The following MEX3C variants were observed in gnomAD, a reference collection of about 807,000 sequenced individuals.
The protein encoded by MEX3C is RNA-binding E3 ubiquitin-protein ligase MEX3C.
Under a neutral mutation model 35.5 loss-of-function variants are expected in MEX3C, and 15 were observed. The ratio of observed to expected loss-of-function variants is 0.42; its 90% CI spans 0.28 to 0.65. The LOEUF (loss-of-function observed/expected upper bound fraction) is 0.65. Ranked by LOEUF, MEX3C falls within the 30% of genes least tolerant of loss-of-function variation. The pLI, the probability that MEX3C is intolerant of heterozygous loss-of-function variation, is 0.20. For synonymous variants in MEX3C, 390 were observed against 352.8 expected (o/e 1.11, Z -1.18); for missense variants, 711 against 842.8 (o/e 0.84, Z 1.94).
chr18:51,174,852 T>C lies in MEX3C; in HGVS notation c.*1499A>G, dbSNP rs1054097125. The C allele has an allele frequency of 3.9e-5, 6 of 152,660 alleles. No individual in the cohort carries two copies. Among genetic ancestry groups the C allele is most frequent in the African/African-American group, 1.4e-4 (6 of 41,466 alleles). The allele number at this position is 152,660 out of a possible 1,614,324, so 9.5% of individuals were successfully genotyped here. Reference sequence around the variant, plus strand: ...AGTACACGCACCTAATATATGTCGATTCCTTGGCTTATTAGTTGCAGTGTA... The same window carrying C: ...AGTACACGCACCTAATATATGTCGACTCCTTGGCTTATTAGTTGCAGTGTA... On this transcript the variant is annotated 3_prime_UTR_variant, in exon 2 of 2. Transcript: ENST00000406189.
rs868318542 is a variant in MEX3C, at chr18:51,197,650, G to C, written c.-330C>G. 2.0e-5 allele frequency among the ~76,000 whole-genome samples: 3 copies of C among 150,732 alleles called. No individual in the cohort carries two copies. Among genetic ancestry groups the C allele is most frequent in the East Asian group, 2.0e-4 (1 of 5,062 alleles). ...TAACCAGCCCCCGGCGCGCGCGGCG[G>C]CGGCGGCTACGCCCCACGCCGCTCT... On this transcript the variant is annotated 5_prime_UTR_variant, in exon 1 of 2. Coordinates refer to ENST00000406189, the MANE Select transcript of MEX3C (RefSeq NM_016626.5).
At chr18:51,179,220 G>C (rs1276214941) in intron 1 of MEX3C, among the ~76,000 whole-genome samples, 1 of 152,078 alleles carries the variant, frequency 6.6e-6, no homozygotes, top group African/African-American at 2.4e-5. Flanking sequence ...GGTCAGGCTG[G>C]TCTTGAACTC....
At position 51,179,867 on chromosome 18, in the gene MEX3C, T is replaced by G. The variant is rs139060904; in HGVS notation, c.755-2291A>C. ...ACACAGAACTGGTCATATTCTATAC[T>G]CAGGGGAGTTACTATTTGGATATGT... On this transcript the variant is annotated intron_variant, in intron 1 of 1. Coordinates refer to ENST00000406189, the MANE Select transcript of MEX3C (RefSeq NM_016626.5). Among the ~76,000 whole-genome samples, 536 of 152,290 alleles carry G rather than the reference T, an allele frequency of 3.5e-3. 4 individuals carry two copies. Among genetic ancestry groups the G allele is most frequent in the African/African-American group, 0.012 (505 of 41,550 alleles).
At position 51,196,736 on chromosome 18, in the gene MEX3C, G is replaced by A; in HGVS notation, c.585C>T (p.Gly195=). Residue 195 remains glycine, a synonymous_variant, in exon 1 of 2, where the codon GGC becomes GGT. Coordinates refer to ENST00000406189, the MANE Select transcript of MEX3C (RefSeq NM_016626.5). The part of the protein sequence containing the change: ...GVLYGGDDAQ[G]MMAAMLSHAY... Reference sequence around the variant, plus strand: ...CGTGGGACAGCATCGCCGCCATCATGCCCTGGGCATCGTCCCCTCCGTACA... The same window carrying A: ...CGTGGGACAGCATCGCCGCCATCATACCCTGGGCATCGTCCCCTCCGTACA... The A allele has an allele frequency of 6.6e-7, 1 of 1,521,494 alleles. No homozygotes were observed. Among genetic ancestry groups the A allele is most frequent in the Non-Finnish European group, 8.8e-7 (1 of 1,135,580 alleles). The allele number at this position is 1,521,494 out of a possible 1,614,324, so 94.2% of individuals were successfully genotyped here. A position where few individuals can be genotyped will look rare whatever the true frequency, so the allele number is the denominator to read the frequency against.
intron 1 of MEX3C, among the ~76,000 whole-genome samples, chr18:51,180,396 C>T (rs944241176): frequency 1.3e-5 from 2 of 152,112 alleles, no homozygotes; most frequent in Non-Finnish European, 2.9e-5. Flanking sequence ...CAGGCCTGGT[C>T]TACACCCAAA....
chr18:51,197,237 T>C lies in MEX3C; in HGVS notation c.84A>G (p.Pro28=), dbSNP rs996027193. ...CCGAGGGCGGCGGCAGAGGCGGCGG[T>C]GGCGGCGGCGGCGGCGGGGGCGGCT... The part of the protein sequence containing the change: ...LPQPPPPPPP[P]PPPLPPPSGG... Residue 28 remains proline (P), a synonymous_variant, in exon 1 of 2, where the codon CCA becomes CCG. Coordinates refer to ENST00000406189, the MANE Select transcript of MEX3C (RefSeq NM_016626.5). 7.6e-5 allele frequency: 75 copies of C among 981,096 alleles called. No individual in the cohort carries two copies. The highest frequency in any genetic ancestry group is 1.0e-3 in the Middle Eastern group (2 of 1,950). The allele number at this position is 981,096 out of a possible 1,614,324, so 60.8% of individuals were successfully genotyped here. A position where few individuals can be genotyped will look rare whatever the true frequency, so the allele number is the denominator to read the frequency against.
chr18:51,197,013 G>A lies in MEX3C; in HGVS notation c.308C>T (p.Ala103Val), dbSNP rs1038799563. The change falls in exon 1 of 2, where the codon GCG becomes GTG. Residue 103 changes from alanine to valine, a missense_variant. Physicochemically the swap from Ala to Val is moderately conservative, Grantham distance 64 (BLOSUM62 0). Around this residue, in one of 4 missense-constraint regions of MEX3C, gnomAD observed 354 missense variants for 311.6 expected, o/e 1.14. Transcript: ENST00000406189. ...GTCCTCTTCCAGCTCCAGCTCGGCCGCCTCCGGGGCCCCGGGCCGGCCGGG... is the reference window on the plus strand; with the variant it reads ...GTCCTCTTCCAGCTCCAGCTCGGCCACCTCCGGGGCCCCGGGCCGGCCGGG... ...APPGRPGAPE[A>V]AELELEEDEE... 1.7e-5 allele frequency: 26 copies of A among 1,524,308 alleles called. No individual in the cohort carries two copies. The African/African-American group carries it at 3.4e-4, about 20-fold the overall frequency. The allele number at this position is 1,524,308 out of a possible 1,614,324, so 94.4% of individuals were successfully genotyped here.
At position 51,176,825 on chromosome 18, in the gene MEX3C, T is replaced by C; in HGVS notation, c.1506A>G (p.Leu502=). ...TCCAGATAGTTTGAGCAGATGTTGG[T>C]AAAGAGTCAAAGGCAGGAGAGTCAA... ...LAVDSPAFDS[L]PTSAQTIWTP... Residue 502 remains leucine, a synonymous_variant, in exon 2 of 2, where the codon TTA becomes TTG. Coordinates refer to ENST00000406189, the MANE Select transcript of MEX3C (RefSeq NM_016626.5). 6.2e-7 allele frequency: 1 copy of C among 1,613,922 alleles called. No individual in the cohort carries two copies. The highest frequency in any genetic ancestry group is 8.5e-7 in the Non-Finnish European group (1 of 1,179,878).
chr18:51,192,314 A>G (rs1912669035), intron 1 of MEX3C, among the ~76,000 whole-genome samples: 1 of 152,186 alleles, frequency 6.6e-6, no homozygotes, highest in African/African-American at 2.4e-5. Flanking sequence ...CCCATTTGCA[A>G]AAACAATTAC....
chr18:51,176,667 G>A lies in MEX3C; in HGVS notation c.1664C>T (p.Pro555Leu). The change falls in exon 2 of 2, where the codon CCA (proline) becomes CTA (leucine). Residue 555 changes from proline to leucine, a missense_variant. By Grantham distance (98) the Pro-to-Leu change is moderately conservative (BLOSUM62 -3). Around this residue, in one of 4 missense-constraint regions of MEX3C, gnomAD observed 87 missense variants for 150.4 expected, o/e 0.58. Coordinates refer to ENST00000406189, the MANE Select transcript of MEX3C (RefSeq NM_016626.5). ...GTCGCTCCTAACCCTCCGAGCAAGT[G>A]GATGTTCTATGCTCTCAGGAAATGT... ...SPTFPESIEH[P>L]LARRVRSDPP... 6.2e-7 allele frequency: 1 copy of A among 1,614,008 alleles called. No homozygotes were observed. The highest frequency in any genetic ancestry group is 8.5e-7 in the Non-Finnish European group (1 of 1,179,894).
At chr18:51,189,667 A>C (rs1912613655) in intron 1 of MEX3C, among the ~76,000 whole-genome samples, 1 of 152,188 alleles carries the variant, frequency 6.6e-6, no homozygotes. Flanking sequence ...ATTAGAGATG[A>C]AAGGCAGAAG....
At chr18:51,188,542 G>A (rs1453899338) in intron 1 of MEX3C, among the ~76,000 whole-genome samples, 1 of 151,218 alleles carries the variant, frequency 6.6e-6, no homozygotes, top group African/African-American at 2.4e-5. Context: ...AGGTTGCAAT[G>A]AGCTGAGATT....
In MEX3C at chr18:51,185,866, C is replaced by T. The variant is rs1007959370; in HGVS notation, c.755-8290G>A. ...CTTGAGGCCAGAAGTTCGAGACCAG[C>T]CTGGGCAACATAGTGAGACCCCCCC... is the stretch of plus-strand genomic sequence containing the variant. On this transcript the variant is annotated intron_variant, in intron 1 of 1. Coordinates refer to ENST00000406189, the MANE Select transcript of MEX3C (RefSeq NM_016626.5). 3.4e-5 allele frequency among the ~76,000 whole-genome samples: 5 copies of T among 148,728 alleles called. No individual in the cohort carries two copies. In the South Asian group the frequency reaches 1.1e-3, roughly 32 times the overall value.
At chr18:51,181,410 T>C (rs1025614818) in intron 1 of MEX3C, among the ~76,000 whole-genome samples, 1 of 152,032 alleles carries the variant, frequency 6.6e-6, no homozygotes, top group East Asian at 1.9e-4. Context: ...AAAGTAAATA[T>C]ACAAATGGCT....
chr18:51,188,272 G>A (rs560939716), intron 1 of MEX3C, among the ~76,000 whole-genome samples: 14 of 152,204 alleles, frequency 9.2e-5, no homozygotes, highest in Admixed American at 8.5e-4. Flanking sequence ...TCAAACAAAA[G>A]TGCCAAACAA....
At chr18:51,191,705 A>G (rs1368093683) in intron 1 of MEX3C, among the ~76,000 whole-genome samples, 1 of 152,192 alleles carries the variant, frequency 6.6e-6, no homozygotes, top group Non-Finnish European at 1.5e-5. Flanking sequence ...ACAGTTTCAT[A>G]TATGTCGATT....
intron 1 of MEX3C, among the ~76,000 whole-genome samples, chr18:51,185,879 G>T (rs545305614): frequency 7.7e-6 from 1 of 129,304 alleles, no homozygotes; most frequent in South Asian, 2.4e-4. Context: ...GGGCAACATA[G>T]TGAGACCCCC....
At chr18:51,192,542 A>G (rs1360938997) in intron 1 of MEX3C, among the ~76,000 whole-genome samples, 1 of 152,204 alleles carries the variant, frequency 6.6e-6, no homozygotes, top group Non-Finnish European at 1.5e-5. Flanking sequence ...GGTAGTACAG[A>G]CACCAAAATT....
intron 1 of MEX3C, among the ~76,000 whole-genome samples, chr18:51,182,192 G>C (rs1234595640): frequency 6.6e-6 from 1 of 152,102 alleles, no homozygotes; most frequent in Non-Finnish European, 1.5e-5. Flanking sequence ...GTTATCACAG[G>C]TATGTACATA....
Sources: allele counts gnomAD v4.1 joint callset (sites outside exome capture counted in the v4.1 genomes callset), GRCh38; gene constraint gnomAD v4.1.1; regional missense constraint gnomAD v4.1.1; transcripts MANE v1.5; gene names NCBI Gene and HGNC (gene_info 2026-07-23, HGNC 2026-07-21).